Variants in RAB27B observed in about 807,000 individuals in gnomAD.
RAB27B encodes the protein RAB27B, member RAS oncogene family, also known as ras-related protein Rab-27B.
RAB27B carries 15 observed loss-of-function variants against 24.6 expected under a neutral mutation model. The ratio of observed to expected loss-of-function variants is 0.61; its 90% confidence interval spans 0.41 to 0.94. The LOEUF is 0.94. RAB27B is among the 40% of genes least tolerant of loss of function. The pLI is 0.00. For synonymous variants in RAB27B, 105 were observed against 92.5 expected, an observed-to-expected ratio of 1.14 and a Z score of -0.78; for missense variants, 261 against 266.8, an observed-to-expected ratio of 0.98 and a Z score of 0.15.
chr18:54,783,481 TTGTGTGTG>T lies in RAB27B; in HGVS notation c.-20+65360_-20+65367del, dbSNP rs34288200. Among the ~76,000 whole-genome samples, 23 of 149,786 alleles carry T rather than the reference TTGTGTGTG, an allele frequency of 1.5e-4. 1 individual carries two copies. Among genetic ancestry groups the T allele is most frequent in the Admixed American group, 6.7e-4 (10 of 15,004 alleles). On this transcript the variant is annotated intron_variant, in intron 2 of 4. Coordinates refer to the RAB27B transcript ENST00000586570. ...AATGTTAATTATGAAGCCTATGGCTTTGTGTGTGTGTGTGTGTGTGTGTGTGTATGTAT... is the reference window on the plus strand; with the variant it reads ...AATGTTAATTATGAAGCCTATGGCTTTGTGTGTGTGTGTGTGTGTATGTAT...
chr18:54,736,329 T>C (rs1361304627), intron 2 of RAB27B, among the ~76,000 whole-genome samples: 2 of 152,196 alleles, frequency 1.3e-5, no homozygotes, highest in Non-Finnish European at 2.9e-5. Flanking sequence ...AGTAAGGAAA[T>C]ACAACATTAT....
chr18:54,889,095 C>T, intron 5 of RAB27B, 129 bp from the exon 6 acceptor site: 2 of 875,274 alleles, frequency 2.3e-6, no homozygotes, highest in Non-Finnish European at 3.2e-6. Flanking sequence ...TCCAACTTAG[C>T]CAGCAAAACC....
At chr18:54,875,982 G>A (rs770158240) in intron 1 of RAB27B, among the ~76,000 whole-genome samples, 8 of 152,040 alleles carry the variant, frequency 5.3e-5, no homozygotes, top group Non-Finnish European at 1.2e-4. Flanking sequence ...TTTTCATACT[G>A]CTATAGAGAA....
At chr18:54,739,284 A>G (rs1909997085) in intron 2 of RAB27B, among the ~76,000 whole-genome samples, 1 of 151,776 alleles carries the variant, frequency 6.6e-6, no homozygotes, top group South Asian at 2.1e-4. Flanking sequence ...GTGAAACCCC[A>G]TCCCTACTAA....
chr18:54,823,008 G>T (rs1170428632), intron 2 of RAB27B, among the ~76,000 whole-genome samples: 2 of 152,218 alleles, frequency 1.3e-5, no homozygotes, highest in African/African-American at 4.8e-5. Context: ...GCAACATGAG[G>T]TTGGAACTGG....
chr18:54,730,804 C>T (rs1454150475), intron 2 of RAB27B, among the ~76,000 whole-genome samples: 1 of 152,150 alleles, frequency 6.6e-6, no homozygotes, highest in South Asian at 2.1e-4. Flanking sequence ...TCCTACACAA[C>T]CATGAGTCAA....
intron 2 of RAB27B, among the ~76,000 whole-genome samples, chr18:54,773,818 G>C (rs1199413386): frequency 2.0e-5 from 3 of 151,922 alleles, no homozygotes. Flanking sequence ...GGGATTACAG[G>C]CACCTGCCAC....
intron 1 of RAB27B, among the ~76,000 whole-genome samples, chr18:54,869,785 A>C (rs567989067): frequency 2.6e-5 from 4 of 152,364 alleles, no homozygotes; most frequent in Admixed American, 6.5e-5. Flanking sequence ...AATGTCAAGT[A>C]GGAAATAAGT....
chr18:54,819,599 TTTTA>T (rs1022301003), intron 2 of RAB27B, among the ~76,000 whole-genome samples: 100 of 150,042 alleles, frequency 6.7e-4, no homozygotes, highest in African/African-American at 2.3e-3. Context: ...TTTATTTATT[TTTTA>T]TTTATTTTTT....
intron 2 of RAB27B, among the ~76,000 whole-genome samples, chr18:54,763,924 A>G (rs976831833): frequency 1.3e-5 from 2 of 152,074 alleles, no homozygotes. Flanking sequence ...AGAAGGGGAA[A>G]CTTTCTAAGT....
At chr18:54,832,570 T>G (rs12457769) in intron 1 of RAB27B, among the ~76,000 whole-genome samples, 34,821 of 152,042 alleles carry the variant, frequency 0.23, 4,228 homozygotes, top group East Asian at 0.39. Context: ...TAGAGTGATA[T>G]CCTTGAGGAC....
intron 2 of RAB27B, among the ~76,000 whole-genome samples, chr18:54,804,129 A>T (rs1909692955): frequency 6.6e-6 from 1 of 152,164 alleles, no homozygotes; most frequent in South Asian, 2.1e-4. Flanking sequence ...AGAATCTACA[A>T]TTTAAATTCT....
intron 1 of RAB27B, among the ~76,000 whole-genome samples, chr18:54,856,389 G>A (rs1018961221): frequency 5.9e-5 from 9 of 152,230 alleles, no homozygotes; most frequent in African/African-American, 1.4e-4. Flanking sequence ...GCAACATTTC[G>A]TAAGCCAGAC....
intron 2 of RAB27B, among the ~76,000 whole-genome samples, chr18:54,818,145 A>G (rs1278218742): frequency 6.6e-6 from 1 of 152,188 alleles, no homozygotes; most frequent in Non-Finnish European, 1.5e-5. Flanking sequence ...TTACCTTGGC[A>G]AATAGCCGTA....
upstream of RAB27B, among the ~76,000 whole-genome samples, chr18:54,826,499 G>A (rs967304497): frequency 2.6e-5 from 4 of 152,074 alleles, no homozygotes; most frequent in Admixed American, 2.6e-4. Flanking sequence ...TAACACTACT[G>A]AATCTGAGCC....
chr18:54,825,344 C>T (rs146698579), upstream of RAB27B, among the ~76,000 whole-genome samples: 23 of 152,282 alleles, frequency 1.5e-4, no homozygotes, highest in African/African-American at 4.8e-4. Flanking sequence ...TTTAGTGAAA[C>T]TTTCGATCTC....
chr18:54,747,199 A>G (rs1473985713), intron 2 of RAB27B, among the ~76,000 whole-genome samples: 3 of 152,044 alleles, frequency 2.0e-5, no homozygotes, highest in Admixed American at 2.0e-4. Context: ...GTTTCTCCTC[A>G]ACTGCCTTCA....
intron 2 of RAB27B, among the ~76,000 whole-genome samples, chr18:54,806,516 G>C (rs1188792413): frequency 1.4e-5 from 2 of 147,156 alleles, no homozygotes; most frequent in Non-Finnish European, 3.0e-5. Flanking sequence ...GTCCAAGAAT[G>C]TTAGTAATGA....
At chr18:54,721,919 G>T (rs1909371597) in intron 2 of RAB27B, among the ~76,000 whole-genome samples, 1 of 152,192 alleles carries the variant, frequency 6.6e-6, no homozygotes, top group Non-Finnish European at 1.5e-5. Flanking sequence ...ACAACAGCAA[G>T]TGTGTGGATT....
Sources: gnomAD v4.1 joint callset for allele counts (sites outside exome capture counted in the v4.1 genomes callset) on GRCh38, gnomAD v4.1.1 for gene constraint, MANE v1.5 for transcripts, NCBI Gene and HGNC (gene_info 2026-07-23, HGNC 2026-07-21) for gene names.